Variants in AJAP1 observed in about 807,000 individuals in gnomAD.
AJAP1 encodes the protein adherens junctions associated protein 1, also known as adherens junction-associated protein 1.
Under a neutral mutation model 35.0 loss-of-function variants are expected in AJAP1, and 5 were observed. The ratio of observed to expected loss-of-function variants is 0.14; its 90% confidence interval spans 0.07 to 0.30. The LOEUF (loss-of-function observed/expected upper bound fraction) is 0.30. Ranked by LOEUF, AJAP1 falls within the 10% of genes least tolerant of loss-of-function variation. The probability of loss-of-function intolerance (pLI) is 1.00; values close to 1 mark genes in which losing one functional copy is unlikely to be tolerated. For synonymous variants in AJAP1, 284 were observed against 249.3 expected (o/e 1.14, Z -1.31); for missense variants, 586 against 571.0 (o/e 1.03, Z -0.27).
intron 1 of AJAP1, among the ~76,000 whole-genome samples, chr1:4,680,426 T>G: frequency 6.6e-6 from 1 of 152,336 alleles, no homozygotes; most frequent in African/African-American, 2.4e-5. Flanking sequence ...AGTCTGAGGT[T>G]CAAAGTGGAC....
At position 4,722,687 on chromosome 1, in the gene AJAP1, G is replaced by T. The variant is rs146091268; in HGVS notation, c.829+9988G>T. On this transcript the variant is annotated intron_variant, in intron 2 of 5. Transcript: ENST00000378191. ...CATCTTCCAGCTCCTGGTGGCTCCA[G>T]GTGCTCCTTGGCTTGTGGCCGCATC... 1.6e-4 allele frequency among the ~76,000 whole-genome samples: 24 copies of T among 152,328 alleles called. No homozygotes were observed. In the East Asian group the frequency reaches 4.6e-3, roughly 29 times the overall value.
At position 4,693,216 on chromosome 1, in the gene AJAP1, G is replaced by C. The variant is rs1388303009; in HGVS notation, c.30-18684G>C. On this transcript the variant is annotated intron_variant, in intron 1 of 5. Transcript: ENST00000378191. This position sits in a 1 kb window ranked among gnomAD's most constrained non-coding sequence, Gnocchi z 4.4. ...GCCCAGGATTCAAAGGCCCACCCGA[G>C]TGGGGAGGCGCCCATGGGAACTTTA... Among the ~76,000 whole-genome samples the C allele has an allele frequency of 1.3e-5, 2 of 152,156 alleles. No homozygotes were observed. The highest frequency in any genetic ancestry group is 2.9e-5 in the Non-Finnish European group (2 of 68,028).
In AJAP1 at chr1:4,772,332, C is replaced by G. The variant is rs1342054290; in HGVS notation, c.970C>G (p.Gln324Glu). ...RRNSHQRKTN[Q>E]QEESCQNLTD... ...GAACAGCCACCAGCGGAAGACCAAC[C>G]AGCAGGAGGAGAGCTGCCAGAACCT... The change falls in exon 4 of 6, where the codon CAG (glutamine) becomes GAG (glutamate). Residue 324 changes from glutamine to glutamate, a missense_variant. Physicochemically the swap from Gln to Glu is conservative, Grantham distance 29. Transcript: ENST00000378191. The G allele has an allele frequency of 1.9e-6, 3 of 1,614,196 alleles. No individual in the cohort carries two copies. The South Asian group carries it at 3.3e-5, about 18-fold the overall frequency.
intron 2 of AJAP1, among the ~76,000 whole-genome samples, chr1:4,763,097 GT>G (rs1241911157): frequency 1.3e-5 from 2 of 152,234 alleles, no homozygotes; most frequent in African/African-American, 4.8e-5. Flanking sequence ...TTCAGCTGCA[GT>G]GATATCTGTC....
intron 2 of AJAP1, among the ~76,000 whole-genome samples, chr1:4,751,500 A>G (rs562289467): frequency 1.3e-5 from 2 of 152,324 alleles, no homozygotes; most frequent in African/African-American, 4.8e-5. Flanking sequence ...TCACTCGTTC[A>G]ATCAGTCATT....
intron 2 of AJAP1, among the ~76,000 whole-genome samples, chr1:4,736,144 G>A (rs905850602): frequency 6.6e-6 from 1 of 152,262 alleles, no homozygotes; most frequent in East Asian, 1.9e-4. Flanking sequence ...CTGGCACATG[G>A]TAAAGGCTGC....
chr1:4,661,174 T>C (rs1236819844), intron 1 of AJAP1, among the ~76,000 whole-genome samples: 1 of 152,208 alleles, frequency 6.6e-6, no homozygotes, highest in Non-Finnish European at 1.5e-5. Flanking sequence ...AACTGGGAGA[T>C]ACAATGGGCA....
Position 4,693,089 on chromosome 1 carries a change from C to T in AJAP1, c.30-18811C>T, listed in dbSNP as rs545928118. ...TTACAGTTTCCTGGAAGCCACCCTT[C>T]CCTCACCATGGCCCAGGGAGGTTGA... On this transcript the variant is annotated intron_variant, in intron 1 of 5. Transcript: ENST00000378191. This position sits in a 1 kb window ranked among gnomAD's most constrained non-coding sequence, Gnocchi z 4.4. 6.6e-6 allele frequency among the ~76,000 whole-genome samples: 1 copy of T among 152,298 alleles called. No homozygotes were observed. The highest frequency in any genetic ancestry group is 6.5e-5 in the Admixed American group (1 of 15,302).
intron 1 of AJAP1, among the ~76,000 whole-genome samples, chr1:4,665,525 G>A (rs7517857): frequency 0.47 from 71,778 of 151,942 alleles, 17,344 homozygotes; most frequent in African/African-American, 0.57. Context: ...GACCTGAGCC[G>A]CCACACTCAC....
chr1:4,758,952 C>G (rs1372552610), intron 2 of AJAP1, among the ~76,000 whole-genome samples: 2 of 152,234 alleles, frequency 1.3e-5, no homozygotes, highest in Non-Finnish European at 2.9e-5. Flanking sequence ...TCTGTGCACT[C>G]TGCAAACTCC....
At chr1:4,657,043 G>T (rs1475185315) in intron 1 of AJAP1, among the ~76,000 whole-genome samples, 1 of 152,184 alleles carries the variant, frequency 6.6e-6, no homozygotes, top group Non-Finnish European at 1.5e-5. Context: ...CTGGTCTTCA[G>T]CTCCGACCTG....
At chr1:4,690,676 T>C (rs1570115816) in intron 1 of AJAP1, among the ~76,000 whole-genome samples, 2 of 152,178 alleles carry the variant, frequency 1.3e-5, no homozygotes, top group Non-Finnish European at 2.9e-5. Context: ...ACAGGCATCT[T>C]AGTGTCCATT....
intron 2 of AJAP1, among the ~76,000 whole-genome samples, chr1:4,743,444 G>C (rs1450726335): frequency 1.3e-5 from 2 of 152,198 alleles, no homozygotes; most frequent in Non-Finnish European, 2.9e-5. Context: ...GAGAAACAGG[G>C]AACTTATACT....
At chr1:4,705,043 G>C (rs1640070118) in intron 1 of AJAP1, among the ~76,000 whole-genome samples, 1 of 152,114 alleles carries the variant, frequency 6.6e-6, no homozygotes, top group African/African-American at 2.4e-5. Context: ...GTTCATTGTA[G>C]ATTCTGGATA....
chr1:4,711,343 G>A (rs1046332130), intron 1 of AJAP1, among the ~76,000 whole-genome samples: 3 of 152,160 alleles, frequency 2.0e-5, no homozygotes, highest in Non-Finnish European at 2.9e-5. Context: ...ACGCTGCGAG[G>A]TTTCAAGCTT....
intron 1 of AJAP1, among the ~76,000 whole-genome samples, chr1:4,686,356 A>G (rs1639604804): frequency 6.6e-6 from 1 of 152,070 alleles, no homozygotes; most frequent in African/African-American, 2.4e-5. Context: ...CCTACCCTTG[A>G]TTGCCCCGCC....
chr1:4,709,788 G>A (rs879384001), intron 1 of AJAP1, among the ~76,000 whole-genome samples: 17 of 152,202 alleles, frequency 1.1e-4, no homozygotes, highest in Non-Finnish European at 2.4e-4. Context: ...GCATAATGTG[G>A]AGGTCCTCAT....
At chr1:4,700,083 G>A (rs998027863) in intron 1 of AJAP1, among the ~76,000 whole-genome samples, 1 of 152,200 alleles carries the variant, frequency 6.6e-6, no homozygotes, top group African/African-American at 2.4e-5. Flanking sequence ...TGGCCTGGCA[G>A]CTCTGGCTGA....
At position 4,723,272 on chromosome 1, in the gene AJAP1, C is replaced by T. The variant is rs1640563994; in HGVS notation, c.829+10573C>T. Among the ~76,000 whole-genome samples, 1 of 152,186 alleles carries T rather than the reference C, an allele frequency of 6.6e-6. No homozygotes were observed. The highest frequency in any genetic ancestry group is 2.4e-5 in the African/African-American group (1 of 41,430). ...CCTTCACTCTTGTGACATCCAGCCA[C>T]CCTGGCGGCCGTCCAAGGGGAGCGC... On this transcript the variant is annotated intron_variant, in intron 2 of 5. Transcript: ENST00000378191. The surrounding 1 kb of genome is among the most constrained non-coding windows in gnomAD (Gnocchi z 4.3).
Sources: allele counts gnomAD v4.1 joint callset (sites outside exome capture counted in the v4.1 genomes callset), GRCh38; gene constraint gnomAD v4.1.1; non-coding constraint Gnocchi (gnomAD v3.1); transcripts MANE v1.5; gene names NCBI Gene and HGNC (gene_info 2026-07-23, HGNC 2026-07-21).